Variants in ATP10B observed in about 807,000 individuals in gnomAD.
The protein encoded by ATP10B is ATPase phospholipid transporting 10B (putative).
Under a neutral mutation model 141.2 loss-of-function variants are expected in ATP10B, and 122 were observed. The observed-to-expected ratio is 0.86, with a 90% CI of 0.75 to 1.00. The LOEUF (loss-of-function observed/expected upper bound fraction) is 1.00, where lower values mean the gene tolerates loss of function less well. Ranked by LOEUF, ATP10B falls within the 50% of genes least tolerant of loss-of-function variation. ATP10B has a pLI of 0.00. For missense variants in ATP10B, 1,876 were observed against 1,825.3 expected (o/e 1.03, Z -0.51); for synonymous variants, 685 against 692.0 (o/e 0.99, Z 0.16).
intron 6 of ATP10B, among the ~76,000 whole-genome samples, chr5:160,682,933 G>C (rs972746213): frequency 2.0e-5 from 3 of 151,220 alleles, no homozygotes; most frequent in African/African-American, 7.3e-5. Context: ...CAGCTACTCG[G>C]GAGGCTGAGG....
chr5:160,657,633 C>T (rs1235794972), intron 7 of ATP10B, among the ~76,000 whole-genome samples: 1 of 152,148 alleles, frequency 6.6e-6, no homozygotes, highest in Non-Finnish European at 1.5e-5. Flanking sequence ...CTTGCTATGG[C>T]ATTTCCTGAA....
intron 24 of ATP10B, among the ~76,000 whole-genome samples, chr5:160,589,257 C>G (rs758310407): frequency 6.6e-6 from 1 of 152,164 alleles, no homozygotes; most frequent in African/African-American, 2.4e-5. Flanking sequence ...GGTGATCTGT[C>G]CACCTCGGCC....
the ATP10B span, among the ~76,000 whole-genome samples, chr5:160,911,554 T>C: frequency 6.6e-6 from 1 of 152,168 alleles, no homozygotes; most frequent in Admixed American, 6.5e-5. Flanking sequence ...TTGGTTTTGG[T>C]TGGGGAGAAG....
intron 6 of ATP10B, among the ~76,000 whole-genome samples, chr5:160,672,433 G>T (rs11135109): frequency 0.65 from 99,296 of 152,032 alleles, 33,020 homozygotes; most frequent in Middle Eastern, 0.78. Flanking sequence ...TGAAGACTTT[G>T]GGGTGTGCCA....
intron 1 of ATP10B, among the ~76,000 whole-genome samples, chr5:160,815,753 T>C (rs1019340757): frequency 1.3e-5 from 2 of 152,194 alleles, no homozygotes; most frequent in African/African-American, 4.8e-5. Flanking sequence ...ATTGACCACA[T>C]AGTTGGAAGT....
At chr5:160,739,581 A>G (rs1767333176) in intron 2 of ATP10B, among the ~76,000 whole-genome samples, 1 of 152,222 alleles carries the variant, frequency 6.6e-6, no homozygotes, top group South Asian at 2.1e-4. Flanking sequence ...GAACAAATGT[A>G]ATAAAAATGT....
At chr5:160,652,782 ATAT>A (rs1408909813) in intron 7 of ATP10B, among the ~76,000 whole-genome samples, 2 of 98,518 alleles carry the variant, frequency 2.0e-5, no homozygotes, top group South Asian at 2.6e-4. Context: ...ATATAAATAT[ATAT>A]AAAAATATAT....
At chr5:160,850,705 T>G (rs1753749434) in intron 1 of ATP10B, among the ~76,000 whole-genome samples, 1 of 152,148 alleles carries the variant, frequency 6.6e-6, no homozygotes, top group East Asian at 1.9e-4. Context: ...AAAGTCAGCA[T>G]GTGGGTTTCA....
At chr5:160,597,185 A>G (rs1156832669) in intron 22 of ATP10B, among the ~76,000 whole-genome samples, 4 of 152,272 alleles carry the variant, frequency 2.6e-5, no homozygotes, top group Non-Finnish European at 5.9e-5. Context: ...TGGTACTGGT[A>G]CCAAAACAGA....
At chr5:160,874,432 GA>G in the ATP10B span, among the ~76,000 whole-genome samples, 322 of 152,154 alleles carry the variant, frequency 2.1e-3, 1 homozygote, top group African/African-American at 7.2e-3. Context: ...CAAAGATGGG[GA>G]AAAAACAGAA....
chr5:160,626,199 C>T (rs1023649870), intron 13 of ATP10B, among the ~76,000 whole-genome samples: 4 of 152,226 alleles, frequency 2.6e-5, no homozygotes, highest in Non-Finnish European at 5.9e-5. Context: ...TTTGTGGGGC[C>T]ACCAGTTTTT....
chr5:160,719,111 G>C (rs1581410059), intron 2 of ATP10B, among the ~76,000 whole-genome samples: 1 of 152,282 alleles, frequency 6.6e-6, no homozygotes, highest in African/African-American at 2.4e-5. Flanking sequence ...ACCATTAAAA[G>C]TAATGGCGGC....
In ATP10B at chr5:160,734,861, ATAAG is replaced by A. The variant is rs937174293; in HGVS notation, c.-330-17831_-330-17828del. Among the ~76,000 whole-genome samples the A allele has an allele frequency of 4.0e-4, 61 of 152,136 alleles. 1 individual carries two copies. The highest frequency in any genetic ancestry group is 1.3e-3 in the African/African-American group (53 of 41,564). ...ATGTATAAAAATTAATGAATTAAAA[ATAAG>A]TAAGAATATAGTAGAAGAGTTCAGC... On this transcript the variant is annotated intron_variant, in intron 2 of 25. Coordinates refer to ENST00000327245, the MANE Select transcript of ATP10B (RefSeq NM_025153.3).
At chr5:160,593,188 C>G (rs1756441995) in intron 22 of ATP10B, among the ~76,000 whole-genome samples, 1 of 152,194 alleles carries the variant, frequency 6.6e-6, no homozygotes, top group Non-Finnish European at 1.5e-5. Context: ...AGACTGACAC[C>G]TCACATGGCC....
At chr5:160,597,912 G>A (rs1325627141) in intron 22 of ATP10B, among the ~76,000 whole-genome samples, 1 of 151,660 alleles carries the variant, frequency 6.6e-6, no homozygotes, top group African/African-American at 2.4e-5. Context: ...TGGAGAGGAT[G>A]TGGAGAAATA....
At chr5:160,742,485 C>T (rs1767546130) in intron 2 of ATP10B, among the ~76,000 whole-genome samples, 1 of 152,062 alleles carries the variant, frequency 6.6e-6, no homozygotes, top group African/African-American at 2.4e-5. Context: ...AAGGAGTTCA[C>T]TCTGGTTGGT....
intron 22 of ATP10B, 64 bp downstream of exon 22, chr5:160,598,706 A>AGAG: frequency 6.8e-7 from 1 of 1,477,878 alleles, no homozygotes. Context: ...TGATGCCTCC[A>AGAG]GAGGGGAGGT....
chr5:160,668,514 G>T (rs963936946), intron 7 of ATP10B, among the ~76,000 whole-genome samples: 2 of 152,188 alleles, frequency 1.3e-5, no homozygotes, highest in Admixed American at 1.3e-4. Flanking sequence ...ACTTAGACCA[G>T]ATCTCACCCT....
chr5:160,768,193 G>C (rs1293804845), intron 2 of ATP10B, among the ~76,000 whole-genome samples: 1 of 151,998 alleles, frequency 6.6e-6, no homozygotes, highest in African/African-American at 2.4e-5. Flanking sequence ...TTAATTTACT[G>C]TATGTCTAGA....
Sources: allele counts gnomAD v4.1 joint callset (sites outside exome capture counted in the v4.1 genomes callset), GRCh38; gene constraint gnomAD v4.1.1; transcripts MANE v1.5; gene names NCBI Gene and HGNC (gene_info 2026-07-23, HGNC 2026-07-21).